RAD50: variants seen among roughly 807,000 people sequenced by gnomAD.
RAD50 encodes RAD50 double strand break repair protein.
RAD50 carries 132 observed loss-of-function variants against 168.8 expected under a neutral mutation model. The ratio of observed to expected loss-of-function variants is 0.78; its 90% confidence interval spans 0.68 to 0.90. RAD50 has a LOEUF of 0.90. RAD50 is among the 40% of genes least tolerant of loss of function. The pLI, the probability that RAD50 is intolerant of heterozygous loss-of-function variation, is 0.00. For missense variants in RAD50, 1,347 were observed against 1,534.4 expected (o/e 0.88, Z 2.04); for synonymous variants, 525 against 497.4 (o/e 1.06, Z -0.74).
rs1225563792 is a variant in RAD50, at chr5:132,588,845, CAAG to C, written c.1214_1216del (p.Glu405del). 1 of 1,613,796 alleles carries C rather than the reference CAAG, an allele frequency of 6.2e-7. No homozygotes were observed. ...TTTTCACAAACTTGTGAGAGAGAGA[CAAG>C]AAGGGGAAGCAAAAACTGCCAACCA... On this transcript the variant is annotated inframe_deletion, in exon 8 of 25. Coordinates refer to ENST00000378823, the MANE Select transcript of RAD50 (RefSeq NM_005732.4).
intron 22 of RAD50, among the ~76,000 whole-genome samples, chr5:132,637,759 C>T (rs1751619084): frequency 6.6e-6 from 1 of 152,162 alleles, no homozygotes; most frequent in African/African-American, 2.4e-5. Context: ...GTCTCAAACT[C>T]CTGCCCTCAG....
chr5:132,588,872 C>A lies in RAD50; in HGVS notation c.1237C>A (p.Gln413Lys), dbSNP rs373428259. Residue 413 changes from glutamine (Q) to lysine (K), a missense_variant, in exon 8 of 25, where the codon CAA becomes AAA. Around this residue, in one of 3 missense-constraint regions of RAD50, gnomAD observed 703 missense variants for 767.7 expected, o/e 0.92. Transcript: ENST00000378823. ...RQEGEAKTAN[Q>K]LMNDFAEKET... Reference sequence around the variant, plus strand: ...AGAAGGGGAAGCAAAAACTGCCAACCAACTGATGGCAAGTATTTTGAAATA... The same window carrying A: ...AGAAGGGGAAGCAAAAACTGCCAACAAACTGATGGCAAGTATTTTGAAATA... 1 of 1,608,582 alleles carries A rather than the reference C, an allele frequency of 6.2e-7. No individual in the cohort carries two copies. The highest frequency in any genetic ancestry group is 1.1e-5 in the South Asian group (1 of 90,886).
chr5:132,593,029 A>C, intron 11 of RAD50: 1 of 355,070 alleles, frequency 2.8e-6, no homozygotes, highest in Admixed American at 3.3e-5. Flanking sequence ...TAGGGCATGA[A>C]GAAGATGATT....
chr5:132,586,515 G>A (rs1361343295), intron 5 of RAD50, among the ~76,000 whole-genome samples: 1 of 152,052 alleles, frequency 6.6e-6, no homozygotes. Context: ...GGATACATTA[G>A]GGAACAAAGT....
intron 11 of RAD50, chr5:132,592,715 C>G: frequency 2.4e-6 from 1 of 418,156 alleles, no homozygotes; most frequent in Non-Finnish European, 5.1e-6. Flanking sequence ...TTTGACTGGA[C>G]CACTTCCACC....
At chr5:132,614,561 C>G (rs1751142536) in intron 19 of RAD50, among the ~76,000 whole-genome samples, 1 of 151,860 alleles carries the variant, frequency 6.6e-6, no homozygotes. Context: ...AATGGCATAT[C>G]TAGTGTTTAC....
chr5:132,588,372 G>A (rs1416981674), intron 7 of RAD50, among the ~76,000 whole-genome samples: 1 of 152,158 alleles, frequency 6.6e-6, no homozygotes, highest in South Asian at 2.1e-4. Context: ...GAACTGTTCA[G>A]TATCTTGACT....
Position 132,579,462 on chromosome 5 carries a change from G to T in RAD50, c.511G>T (p.Ala171Ser), listed in dbSNP as rs143483210. ...DSNWPLSEGK[A>S]LKQKFDEIFS... ...TAATTGGCCTTTAAGTGAAGGAAAG[G>T]CTTTGAAGCAAAAGTTTGATGAGAT... Residue 171 changes from alanine (A) to serine (S), a missense_variant, in exon 4 of 25, where the codon GCT (alanine) becomes TCT (serine). Around this residue, in one of 3 missense-constraint regions of RAD50, gnomAD observed 703 missense variants for 767.7 expected, o/e 0.92. Coordinates refer to ENST00000378823, the MANE Select transcript of RAD50 (RefSeq NM_005732.4). 2.5e-5 allele frequency: 41 copies of T among 1,613,872 alleles called. No individual in the cohort carries two copies. In the East Asian group the frequency reaches 5.4e-4, roughly 21 times the overall value.
rs786203061 is a variant in RAD50, at chr5:132,579,977, A to T, written c.667A>T (p.Ile223Phe). 1.2e-6 allele frequency: 2 copies of T among 1,612,828 alleles called. No homozygotes were observed. The highest frequency in any genetic ancestry group is 1.7e-5 in the Admixed American group (1 of 59,992). ...LKQYKEKACE[I>F]RDQITSKEAQ... ...GCAATATAAGGAAAAAGCTTGTGAG[A>T]TTCGTGATCAGATTACAAGTAAGGA... Residue 223 changes from isoleucine to phenylalanine, a missense_variant, in exon 5 of 25, where the codon ATT (isoleucine) becomes TTT (phenylalanine). By Grantham distance (21) the Ile-to-Phe change is conservative (BLOSUM62 0). Around this residue, in one of 3 missense-constraint regions of RAD50, gnomAD observed 703 missense variants for 767.7 expected, o/e 0.92. Coordinates refer to ENST00000378823, the MANE Select transcript of RAD50 (RefSeq NM_005732.4).
intron 8 of RAD50, among the ~76,000 whole-genome samples, 190 bp from the exon 9 acceptor site, chr5:132,589,441 G>T (rs1225399347): frequency 6.6e-6 from 1 of 152,142 alleles, no homozygotes; most frequent in Non-Finnish European, 1.5e-5. Flanking sequence ...GTAGGCTTAT[G>T]TAAATACATT....
chr5:132,575,928 A>G lies in RAD50; in HGVS notation c.365A>G (p.Lys122Arg), dbSNP rs1276578702. 1.2e-6 allele frequency: 2 copies of G among 1,606,030 alleles called. No homozygotes were observed. Among genetic ancestry groups the G allele is most frequent in the South Asian group, 2.2e-5 (2 of 90,234 alleles). ...KTLEGVITRT[K>R]HGEKVSLSSK... ...CTGGAAGGAGTCATTACTAGAACAA[A>G]GTAGGTGTTTATATGATATTTGAAT... Residue 122 changes from lysine (K) to arginine (R), a missense_variant and splice_region_variant, in exon 3 of 25, where the codon AAG (lysine) becomes AGG (arginine). This residue lies in a region of RAD50 where 703 missense variants were observed against 767.7 expected (regional missense o/e 0.92). Coordinates refer to ENST00000378823, the MANE Select transcript of RAD50 (RefSeq NM_005732.4).
chr5:132,641,511 G>A (rs576786774), intron 24 of RAD50, among the ~76,000 whole-genome samples: 1 of 152,282 alleles, frequency 6.6e-6, no homozygotes, highest in African/African-American at 2.4e-5. Context: ...ATCATCACAA[G>A]TAAGGGCGAG....
At chr5:132,609,508 G>A (rs1192672508) in intron 19 of RAD50, 112 bp downstream of exon 19, 37 of 1,501,630 alleles carry the variant, frequency 2.5e-5, no homozygotes, top group African/African-American at 9.8e-5. Flanking sequence ...GAGGCCAAGC[G>A]TGGTGGCTCA....
chr5:132,573,106 A>G (rs959804632), intron 2 of RAD50, among the ~76,000 whole-genome samples: 2 of 152,198 alleles, frequency 1.3e-5, no homozygotes, highest in African/African-American at 2.4e-5. Flanking sequence ...GTTGTTGAAA[A>G]TGTCCTTGTT....
chr5:132,566,046 A>T (rs1423071662), intron 2 of RAD50, among the ~76,000 whole-genome samples: 1 of 152,180 alleles, frequency 6.6e-6, no homozygotes, highest in Non-Finnish European at 1.5e-5. Context: ...TGTTTGGAGA[A>T]AGAAGGGTTT....
intron 8 of RAD50, among the ~76,000 whole-genome samples, chr5:132,589,408 A>G (rs958928777): frequency 4.6e-5 from 7 of 152,196 alleles, no homozygotes; most frequent in African/African-American, 7.2e-5. Context: ...CATATAGTCT[A>G]TGTGTGTATT....
At chr5:132,591,143 A>G in intron 9 of RAD50, 81 bp from the exon 10 acceptor site, 1 of 1,391,000 alleles carries the variant, frequency 7.2e-7, no homozygotes, top group Non-Finnish European at 1.0e-6. Context: ...AGGAGTAGTT[A>G]ATTTCTAATA....
chr5:132,608,682 TAATC>T lies in RAD50; in HGVS notation c.2789_2792del (p.Ile930ThrfsTer9), dbSNP rs587781930. 4 of 1,598,154 alleles carry T rather than the reference TAATC, an allele frequency of 2.5e-6. No homozygotes were observed. The highest frequency in any genetic ancestry group is 2.7e-5 in the African/African-American group (2 of 73,944). On this transcript the variant is annotated frameshift_variant, in exon 17 of 25. Transcript: ENST00000378823. LOFTEE classifies it high-confidence loss of function. ...AAGTTCCAGCAAGAAAAAGAAGAAT[TAATC>T]AACAAAAAAAATACAAGCAACAAAA...
Position 132,583,506 on chromosome 5 carries a change from A to G in RAD50, c.756+3440A>G, listed in dbSNP as rs1750541078. ...TGTAGAATATTTCAGTCACTCCAAA[A>G]AGTTCTCTCAAAGTCCTTGCAGTCA... On this transcript the variant is annotated intron_variant, in intron 5 of 24. Transcript: ENST00000378823. Among the ~76,000 whole-genome samples, 3 of 152,040 alleles carry G rather than the reference A, an allele frequency of 2.0e-5. No homozygotes were observed. The South Asian group carries it at 6.2e-4, about 32-fold the overall frequency.
Sources: gnomAD v4.1 joint callset for allele counts (sites outside exome capture counted in the v4.1 genomes callset) on GRCh38, gnomAD v4.1.1 for gene constraint, gnomAD v4.1.1 regional missense constraint, MANE v1.5 for transcripts, NCBI Gene and HGNC (gene_info 2026-07-23, HGNC 2026-07-21) for gene names.